Variants in FMNL2 observed in about 807,000 individuals in gnomAD.
FMNL2 encodes the protein formin like 2.
FMNL2 carries 51 observed loss-of-function variants against 130.2 expected under a neutral mutation model. That is an observed-to-expected ratio of 0.39 (90% CI 0.31 to 0.49). The LOEUF (loss-of-function observed/expected upper bound fraction) is 0.49. Among genes scored for constraint, FMNL2 ranks in the 20% least tolerant of loss-of-function variants. The probability of loss-of-function intolerance (pLI) is 0.85; values close to 1 mark genes in which losing one functional copy is unlikely to be tolerated. For synonymous variants in FMNL2, 465 were observed against 467.1 expected (o/e 1.00, Z 0.06); for missense variants, 977 against 1,316.2 (o/e 0.74, Z 3.99).
intron 1 of FMNL2, among the ~76,000 whole-genome samples, chr2:152,392,587 T>G (rs1016078876): frequency 6.6e-6 from 1 of 152,164 alleles, no homozygotes; most frequent in Non-Finnish European, 1.5e-5. Flanking sequence ...GCAGAAGGCA[T>G]AAGTGCAAGT....
intron 1 of FMNL2, among the ~76,000 whole-genome samples, chr2:152,501,840 A>G (rs1267760851): frequency 6.6e-6 from 1 of 152,198 alleles, no homozygotes; most frequent in Non-Finnish European, 1.5e-5. Context: ...TGCGATTTAC[A>G]TATTGGCAGA....
At chr2:152,344,298 C>T (rs1382512504) in intron 1 of FMNL2, among the ~76,000 whole-genome samples, 1 of 152,146 alleles carries the variant, frequency 6.6e-6, no homozygotes, top group Non-Finnish European at 1.5e-5. Context: ...AGGTTGACAG[C>T]CACTGTGCTA....
At chr2:152,431,516 G>A (rs75545629) in intron 1 of FMNL2, among the ~76,000 whole-genome samples, 49 of 152,268 alleles carry the variant, frequency 3.2e-4, no homozygotes, top group African/African-American at 1.1e-3. Context: ...TGAAAAAATA[G>A]CAACATGTTT....
In FMNL2 at chr2:152,648,915, G is replaced by GTATT. The variant is rs547365295; in HGVS notation, c.*1011_*1014dup. The GTATT allele has an allele frequency of 7.3e-4, 111 of 152,690 alleles. 1 individual carries two copies. Among genetic ancestry groups the GTATT allele is most frequent in the African/African-American group, 2.4e-3 (99 of 41,560 alleles). 9.5% of individuals were successfully genotyped at this position (152,690 alleles called of 1,614,324 possible). On this transcript the variant is annotated 3_prime_UTR_variant, in exon 26 of 26. Coordinates refer to ENST00000288670, the MANE Select transcript of FMNL2 (RefSeq NM_052905.4). Reference sequence around the variant, plus strand: ...GAATTGCAGTTTAAGTTGCTGAAAAGTATTAACATGGTATTAAGCTTAAAT... The same window carrying GTATT: ...GAATTGCAGTTTAAGTTGCTGAAAAGTATTTATTAACATGGTATTAAGCTTAAAT...
At chr2:152,530,172 G>A (rs1277267098) in intron 2 of FMNL2, among the ~76,000 whole-genome samples, 3 of 152,184 alleles carry the variant, frequency 2.0e-5, no homozygotes, top group African/African-American at 7.2e-5. Context: ...TAAACTTGAG[G>A]ACACTGAGGT....
intron 1 of FMNL2, among the ~76,000 whole-genome samples, chr2:152,378,603 C>T (rs1684297800): frequency 6.6e-6 from 1 of 152,112 alleles, no homozygotes; most frequent in South Asian, 2.1e-4. Context: ...TCCAAATCCC[C>T]TTCTTGCTTT....
intron 1 of FMNL2, among the ~76,000 whole-genome samples, chr2:152,351,315 A>G (rs1303876511): frequency 6.6e-6 from 1 of 152,130 alleles, no homozygotes; most frequent in Admixed American, 6.6e-5. Context: ...TAAGCCCTGC[A>G]TACGTTAGGT....
At position 152,575,169 on chromosome 2, in the gene FMNL2, A is replaced by C. The variant is rs201093394; in HGVS notation, c.630A>C (p.Lys210Asn). Residue 210 changes from lysine (K) to asparagine (N), a missense_variant, in exon 7 of 26, where the codon AAA becomes AAC. By Grantham distance (94) the Lys-to-Asn change is moderately conservative. Coordinates refer to ENST00000288670, the MANE Select transcript of FMNL2 (RefSeq NM_052905.4). ...CATTGCCAAGCAGAAGAACTCTGAA[A>C]AATTCAAGATTAGTGAGTAAGAAAG... is the stretch of plus-strand genomic sequence containing the variant. The part of the protein sequence containing the change: ...YNTLPSRRTL[K>N]NSRLVSKKDD... The C allele has an allele frequency of 2.8e-4, 454 of 1,607,116 alleles. No individual in the cohort carries two copies. Among genetic ancestry groups the C allele is most frequent in the Non-Finnish European group, 3.7e-4 (436 of 1,176,434 alleles).
At chr2:152,559,865 C>T (rs1340143011) in intron 5 of FMNL2, among the ~76,000 whole-genome samples, 1 of 152,200 alleles carries the variant, frequency 6.6e-6, no homozygotes, top group Non-Finnish European at 1.5e-5. Flanking sequence ...CAGCCAAAGG[C>T]ATGACAGAAT....
At chr2:152,361,284 G>A (rs1170350169) in intron 1 of FMNL2, among the ~76,000 whole-genome samples, 2 of 152,010 alleles carry the variant, frequency 1.3e-5, no homozygotes, top group Non-Finnish European at 2.9e-5. Context: ...AATTTAGTTT[G>A]ATATGGTCAA....
At chr2:152,574,346 G>A (rs994258571) in intron 6 of FMNL2, among the ~76,000 whole-genome samples, 6 of 149,314 alleles carry the variant, frequency 4.0e-5, no homozygotes, top group Non-Finnish European at 3.0e-5. Context: ...TGAGGCAGGA[G>A]AATCGCTTGA....
chr2:152,356,127 T>G (rs1560292371), intron 1 of FMNL2, among the ~76,000 whole-genome samples: 1 of 152,148 alleles, frequency 6.6e-6, no homozygotes, highest in Non-Finnish European at 1.5e-5. Context: ...TGGCTTTAGG[T>G]CATTTATTTT....
At chr2:152,586,993 C>A (rs1205275231) in intron 9 of FMNL2, among the ~76,000 whole-genome samples, 2 of 152,178 alleles carry the variant, frequency 1.3e-5, no homozygotes, top group Non-Finnish European at 2.9e-5. Flanking sequence ...CATCTGGAGG[C>A]TGTTTCACCC....
chr2:152,479,977 A>G (rs946619970), intron 1 of FMNL2, among the ~76,000 whole-genome samples: 1 of 152,168 alleles, frequency 6.6e-6, no homozygotes, highest in African/African-American at 2.4e-5. Context: ...GCCTTGGCCT[A>G]TAACTCGTTC....
intron 4 of FMNL2, among the ~76,000 whole-genome samples, chr2:152,549,999 TTAGTTTTACAGAGTA>T (rs1694848056): frequency 6.6e-6 from 1 of 152,238 alleles, no homozygotes; most frequent in Non-Finnish European, 1.5e-5. Context: ...ATATTGCACT[TTAGTTTTACAGAGTA>T]TGCTGTAACA....
At position 152,542,808 on chromosome 2, in the gene FMNL2, G is replaced by A. The variant is rs764063313; in HGVS notation, c.271G>A (p.Val91Ile). The A allele has an allele frequency of 1.9e-6, 3 of 1,613,878 alleles. No homozygotes were observed. Among genetic ancestry groups the A allele is most frequent in the Non-Finnish European group, 2.5e-6 (3 of 1,179,796 alleles). ...QKLKGYLDPA[V>I]TRKKFRRRVQ... Reference sequence around the variant, plus strand: ...GCTCAAAGGCTATCTGGATCCAGCTGTAACCAGGAAGGTAAGATGGATTTG... The same window carrying A: ...GCTCAAAGGCTATCTGGATCCAGCTATAACCAGGAAGGTAAGATGGATTTG... The change falls in exon 3 of 26, where the codon GTA becomes ATA. Residue 91 changes from valine (V) to isoleucine (I), a missense_variant. This residue lies in a region of FMNL2 where 117 missense variants were observed against 134.9 expected (regional missense o/e 0.87). Coordinates refer to ENST00000288670, the MANE Select transcript of FMNL2 (RefSeq NM_052905.4).
At chr2:152,567,827 C>G (rs1160651488) in intron 6 of FMNL2, among the ~76,000 whole-genome samples, 4 of 152,148 alleles carry the variant, frequency 2.6e-5, no homozygotes, top group Non-Finnish European at 5.9e-5. Flanking sequence ...AGTTTGAGAT[C>G]TGAATAGTGT....
rs1683875144 is a variant in FMNL2, at chr2:152,649,306, G to GTAAT, written c.*1402_*1405dup. The GTAAT allele has an allele frequency of 6.6e-6, 1 of 152,386 alleles. No homozygotes were observed. Among genetic ancestry groups the GTAAT allele is most frequent in the Admixed American group, 6.6e-5 (1 of 15,254 alleles). 9.4% of individuals were successfully genotyped at this position (152,386 alleles called of 1,614,324 possible). On this transcript the variant is annotated 3_prime_UTR_variant, in exon 26 of 26. Coordinates refer to ENST00000288670, the MANE Select transcript of FMNL2 (RefSeq NM_052905.4). ...CTTTAATTCCCACCTAAGCCTCTGG[G>GTAAT]TAATATTGTAAATATTGTTTTAAAA...
intron 1 of FMNL2, among the ~76,000 whole-genome samples, chr2:152,452,288 C>T (rs1256417422): frequency 3.9e-5 from 6 of 152,194 alleles, no homozygotes; most frequent in Non-Finnish European, 1.5e-5. Context: ...ACTTATCTAA[C>T]TCTGAGAAGC....
Sources: gnomAD v4.1 joint callset for allele counts (sites outside exome capture counted in the v4.1 genomes callset) on GRCh38, gnomAD v4.1.1 for gene constraint, gnomAD v4.1.1 regional missense constraint, MANE v1.5 for transcripts, NCBI Gene and HGNC (gene_info 2026-07-23, HGNC 2026-07-21) for gene names.